The following BIN3 variants were observed in gnomAD, a reference collection of about 807,000 sequenced individuals.
BIN3 encodes bridging integrator 3.
A neutral mutation model predicts 38.2 loss-of-function variants in BIN3; 41 were observed. The observed-to-expected ratio is 1.07, with a 90% CI of 0.84 to 1.39. The LOEUF (loss-of-function observed/expected upper bound fraction) is 1.39, where lower values mean the gene tolerates loss of function less well. Ranked by LOEUF, BIN3 falls within the 40% of genes most tolerant of loss-of-function variation. The pLI is 0.00. For missense variants in BIN3, 361 were observed against 324.3 expected (o/e 1.11, Z -0.87); for synonymous variants, 145 against 122.6 (o/e 1.18, Z -1.21).
At chr8:22,639,931 G>A (rs530079808) in intron 2 of BIN3, among the ~76,000 whole-genome samples, 7 of 151,912 alleles carry the variant, frequency 4.6e-5, no homozygotes, top group African/African-American at 7.2e-5. Flanking sequence ...GCGTGATCTC[G>A]GCTCACCGCA....
chr8:22,621,740 A>G (rs1324320715), intron 8 of BIN3, among the ~76,000 whole-genome samples, 172 bp from the exon 9 acceptor site: 2 of 152,182 alleles, frequency 1.3e-5, no homozygotes, highest in Non-Finnish European at 2.9e-5. Context: ...AGACTGAACC[A>G]AAAGGAGCCG....
intron 8 of BIN3, among the ~76,000 whole-genome samples, chr8:22,622,210 T>A (rs1801847735): frequency 6.6e-6 from 1 of 152,228 alleles, no homozygotes; most frequent in Admixed American, 6.5e-5. Context: ...CCCAGATGGC[T>A]GAGGACCAGG....
At chr8:22,632,253 G>A (rs929337162) in intron 4 of BIN3, among the ~76,000 whole-genome samples, 9 of 152,170 alleles carry the variant, frequency 5.9e-5, no homozygotes, top group Non-Finnish European at 1.0e-4. Context: ...GCACTCCATG[G>A]CATGAACCTG....
At chr8:22,633,102 G>A (rs1477541434) in intron 4 of BIN3, among the ~76,000 whole-genome samples, 2 of 152,160 alleles carry the variant, frequency 1.3e-5, no homozygotes, top group African/African-American at 4.8e-5. Flanking sequence ...GGCAGAACTG[G>A]GTCTGGAATC....
rs780198309 is a variant in BIN3 at position 22,630,476 on chromosome 8, G to A, written c.263C>T (p.Ala88Val). 91 of 1,613,846 alleles carry A rather than the reference G, an allele frequency of 5.6e-5. No individual in the cohort carries two copies. Among genetic ancestry groups the A allele is most frequent in the Non-Finnish European group, 6.6e-5 (78 of 1,179,874 alleles). Residue 88 changes from alanine to valine, a missense_variant, in exon 5 of 9, where the codon GCC (alanine) becomes GTC (valine). By Grantham distance (64) the Ala-to-Val change is moderately conservative. Coordinates refer to ENST00000276416, the MANE Select transcript of BIN3 (RefSeq NM_018688.6). ...ATTGAAGGCATCCATCCGCTTCATGGCCGTGTCCAGGGCCGTCACCATGTT... is the reference window on the plus strand; with the variant it reads ...ATTGAAGGCATCCATCCGCTTCATGACCGTGTCCAGGGCCGTCACCATGTT... ...LLNMVTALDT[A>V]MKRMDAFNQE...
At chr8:22,662,124 A>C (rs538615558) in intron 1 of BIN3, among the ~76,000 whole-genome samples, 43 of 152,204 alleles carry the variant, frequency 2.8e-4, no homozygotes, top group African/African-American at 9.9e-4. Context: ...AAGACATCAC[A>C]ATTTATTTCC....
intron 8 of BIN3, among the ~76,000 whole-genome samples, chr8:22,622,159 A>C (rs543916286): frequency 2.6e-5 from 4 of 152,282 alleles, no homozygotes; most frequent in Non-Finnish European, 5.9e-5. Flanking sequence ...CACAGGGTTG[A>C]GGGTGGGGCA....
intron 6 of BIN3, among the ~76,000 whole-genome samples, chr8:22,626,963 G>A (rs986237443): frequency 2.0e-5 from 3 of 152,172 alleles, no homozygotes; most frequent in Admixed American, 6.5e-5. Context: ...AGAGCTCCTC[G>A]GGGGATGGCG....
intron 2 of BIN3, among the ~76,000 whole-genome samples, chr8:22,643,074 G>C (rs980274478): frequency 6.6e-6 from 1 of 152,210 alleles, no homozygotes; most frequent in African/African-American, 2.4e-5. Context: ...TGCTGGGAGG[G>C]TTTTTGTTTG....
At position 22,621,539 on chromosome 8, in the gene BIN3, G is replaced by A; in HGVS notation, c.645C>T (p.Ile215=). 1.2e-6 allele frequency: 2 copies of A among 1,613,864 alleles called. No homozygotes were observed. The highest frequency in any genetic ancestry group is 1.7e-6 in the Non-Finnish European group (2 of 1,179,890). Residue 215 remains isoleucine (I), a synonymous_variant, in exon 9 of 9, where the codon ATC becomes ATT. Transcript: ENST00000276416. ...QVVYYSEMHK[I]FGDLSHQLDQ... Reference sequence around the variant, plus strand: ...CAAGCTGATGGGACAGGTCTCCAAAGATCTTGTGCATTTCCGAGTAGTACA... The same window carrying A: ...CAAGCTGATGGGACAGGTCTCCAAAAATCTTGTGCATTTCCGAGTAGTACA...
In BIN3 at chr8:22,623,954, G is replaced by C. The variant is rs760305438; in HGVS notation, c.576C>G (p.Asp192Glu). 3.1e-6 allele frequency: 5 copies of C among 1,611,390 alleles called. No homozygotes were observed. The East Asian group carries it at 8.9e-5, about 29-fold the overall frequency. ...EMPRFYGSRL[D>E]YFQPSFESLI... ...GGGACTCAAAGCTGGGCTGGAAGTA[G>C]TCGAGGCGGCTGCCGTAGAAGCGCG... Residue 192 changes from aspartate to glutamate, a missense_variant, in exon 8 of 9, where the codon GAC (aspartate) becomes GAG (glutamate). Asp to Glu is a conservative substitution (Grantham distance 45). Transcript: ENST00000276416.
At position 22,621,173 on chromosome 8, in the gene BIN3, G is replaced by A. The variant is rs765925631; in HGVS notation, c.*249C>T. On this transcript the variant is annotated 3_prime_UTR_variant, in exon 9 of 9. Transcript: ENST00000276416. Reference sequence around the variant, plus strand: ...CCGTGGGCCAGGATGCATGCTGGACGGTTCTCCAAATAAAAAAGCCCCAAG... The same window carrying A: ...CCGTGGGCCAGGATGCATGCTGGACAGTTCTCCAAATAAAAAAGCCCCAAG... 9.1e-5 allele frequency: 47 copies of A among 514,224 alleles called. 1 individual carries two copies. Among genetic ancestry groups the A allele is most frequent in the Non-Finnish European group, 1.2e-4 (34 of 287,036 alleles). The allele number at this position is 514,224 out of a possible 1,614,324, so 31.9% of individuals were successfully genotyped here. A position where few individuals can be genotyped will look rare whatever the true frequency, so the allele number is the denominator to read the frequency against.
At chr8:22,653,628 C>CA (rs891945590) in intron 1 of BIN3, among the ~76,000 whole-genome samples, 1 of 152,120 alleles carries the variant, frequency 6.6e-6, no homozygotes, top group African/African-American at 2.4e-5. Context: ...TTCCATCCCC[C>CA]AAAAAAGCCT....
intron 2 of BIN3, among the ~76,000 whole-genome samples, chr8:22,640,678 C>G (rs893206800): frequency 3.3e-5 from 5 of 152,288 alleles, no homozygotes; most frequent in African/African-American, 1.2e-4. Context: ...ACCCCGGGGC[C>G]CTAGCCTTTG....
rs142739733 is a variant in BIN3, at chr8:22,662,952, C to G, written c.8+6092G>C. 3.8e-3 allele frequency among the ~76,000 whole-genome samples: 581 copies of G among 152,282 alleles called. 7 individuals are homozygous for G. Among genetic ancestry groups the G allele is most frequent in the African/African-American group, 0.013 (553 of 41,546 alleles). ...AGAGGTTAGAAACCAGCCTGGCTAA[C>G]ATAGCGAAACTCAGTCTCTACTAAA... On this transcript the variant is annotated intron_variant, in intron 1 of 8. Transcript: ENST00000276416.
At chr8:22,663,645 CTA>C (rs1803316477) in intron 1 of BIN3, among the ~76,000 whole-genome samples, 1 of 152,114 alleles carries the variant, frequency 6.6e-6, no homozygotes, top group South Asian at 2.1e-4. Context: ...ACTGAAAGCA[CTA>C]TATAACGTGG....
Position 22,632,293 on chromosome 8 carries a change from G to A in BIN3, c.161-1715C>T, listed in dbSNP as rs943611504. On this transcript the variant is annotated intron_variant, in intron 4 of 8. Transcript: ENST00000276416. ...CTGACCCTGCGCTCCCCGGGGAAGG[G>A]TCTGCCTCCGCCAGGCCCCTTCACC... 1.1e-4 allele frequency among the ~76,000 whole-genome samples: 17 copies of A among 152,302 alleles called. No homozygotes were observed. The Middle Eastern group carries it at 0.01, about 91-fold the overall frequency.
At chr8:22,641,023 G>A (rs993298968) in intron 2 of BIN3, among the ~76,000 whole-genome samples, 1 of 152,148 alleles carries the variant, frequency 6.6e-6, no homozygotes, top group Admixed American at 6.5e-5. Context: ...CCTCCACTGG[G>A]GAAAGATGCA....
At chr8:22,668,500 T>A (rs1178773266) in intron 1 of BIN3, among the ~76,000 whole-genome samples, 7 of 152,110 alleles carry the variant, frequency 4.6e-5, no homozygotes, top group Non-Finnish European at 1.0e-4. Context: ...AATCCCACAG[T>A]GGAAGGGTGT....
Sources: allele counts gnomAD v4.1 joint callset (sites outside exome capture counted in the v4.1 genomes callset), GRCh38; gene constraint gnomAD v4.1.1; transcripts MANE v1.5; gene names NCBI Gene and HGNC (gene_info 2026-07-23, HGNC 2026-07-21).